The following GABRB3 variants were observed in gnomAD, a reference collection of about 807,000 sequenced individuals.
GABRB3 encodes gamma-aminobutyric acid receptor subunit beta-3.
A neutral mutation model predicts 52.1 loss-of-function variants in GABRB3; 14 were observed. The observed-to-expected ratio is 0.27, with a 90% CI of 0.18 to 0.42. The LOEUF is 0.42. Among genes scored for constraint, GABRB3 ranks in the 10% least tolerant of loss-of-function variants. The pLI is 1.00. For synonymous variants in GABRB3, 260 were observed against 232.3 expected, an observed-to-expected ratio of 1.12 and a Z score of -1.08; for missense variants, 307 against 609.1, an observed-to-expected ratio of 0.50 and a Z score of 5.22.
At chr15:26,677,944 G>T (rs1888119261) in intron 3 of GABRB3, among the ~76,000 whole-genome samples, 1 of 152,190 alleles carries the variant, frequency 6.6e-6, no homozygotes. Flanking sequence ...TGAAAGAGAG[G>T]TCAGGAATTT....
At chr15:26,604,737 C>T (rs1891717322) in intron 4 of GABRB3, among the ~76,000 whole-genome samples, 1 of 151,938 alleles carries the variant, frequency 6.6e-6, no homozygotes, top group Non-Finnish European at 1.5e-5. Flanking sequence ...AACTTGACCC[C>T]TATCTCGCAC....
intron 3 of GABRB3, chr15:26,750,076 C>T (rs529812658): frequency 2.0e-5 from 3 of 152,190 alleles, no homozygotes; most frequent in Non-Finnish European, 4.4e-5. Context: ...ATTCTCTCTT[C>T]GATTTCTTCT....
At chr15:26,650,633 T>G in intron 3 of GABRB3, among the ~76,000 whole-genome samples, 1 of 152,128 alleles carries the variant, frequency 6.6e-6, no homozygotes, top group South Asian at 2.1e-4. Flanking sequence ...GATTGAGAAC[T>G]TGCCTTCCTT....
chr15:26,627,822 A>G (rs1479988536), intron 3 of GABRB3, among the ~76,000 whole-genome samples: 1 of 152,254 alleles, frequency 6.6e-6, no homozygotes, highest in African/African-American at 2.4e-5. Context: ...TAGTTGATAA[A>G]GCAGTGGCAG....
chr15:26,684,031 T>TGA (rs3046015), intron 3 of GABRB3, among the ~76,000 whole-genome samples: 73,122 of 151,666 alleles, frequency 0.48, 17,879 homozygotes, highest in African/African-American at 0.56. Context: ...GAAGAAGTTT[T>TGA]GAGTGAGATT....
intron 3 of GABRB3, among the ~76,000 whole-genome samples, chr15:26,769,607 T>G (rs1595361661): frequency 6.6e-6 from 1 of 152,334 alleles, no homozygotes; most frequent in East Asian, 1.9e-4. Flanking sequence ...CACCCATTCG[T>G]AACTCTGCCA....
intron 3 of GABRB3, among the ~76,000 whole-genome samples, chr15:26,628,672 G>A (rs566502925): frequency 8.1e-5 from 11 of 135,430 alleles, no homozygotes; most frequent in African/African-American, 3.2e-4. Flanking sequence ...AGCTATTTTC[G>A]CAAAAAAAAC....
intron 6 of GABRB3, among the ~76,000 whole-genome samples, chr15:26,574,723 T>C (rs1475403768): frequency 6.6e-6 from 1 of 151,636 alleles, no homozygotes; most frequent in East Asian, 2.0e-4. Context: ...GATTAGTGGT[T>C]GTCTAGGGTT....
intron 3 of GABRB3, among the ~76,000 whole-genome samples, chr15:26,663,544 C>CAT: frequency 6.6e-6 from 1 of 152,140 alleles, no homozygotes; most frequent in Non-Finnish European, 1.5e-5. Flanking sequence ...AAAGTTAGTG[C>CAT]CTGCATAATA....
chr15:26,748,921 G>A (rs1454762529), intron 3 of GABRB3, among the ~76,000 whole-genome samples: 1 of 152,144 alleles, frequency 6.6e-6, no homozygotes, highest in Non-Finnish European at 1.5e-5. Context: ...AGCTAGTTGG[G>A]AGGCTGAGGC....
intron 3 of GABRB3, among the ~76,000 whole-genome samples, chr15:26,720,014 T>G (rs1889599994): frequency 6.6e-6 from 1 of 152,170 alleles, no homozygotes; most frequent in African/African-American, 2.4e-5. Context: ...CCTTAACTGA[T>G]GACATTCCAC....
At chr15:26,694,608 A>C (rs930395910) in intron 3 of GABRB3, among the ~76,000 whole-genome samples, 2 of 152,226 alleles carry the variant, frequency 1.3e-5, no homozygotes, top group Non-Finnish European at 2.9e-5. Flanking sequence ...CTAAAGACTG[A>C]TTTAACTTAG....
intron 3 of GABRB3, among the ~76,000 whole-genome samples, chr15:26,698,549 G>A (rs1888819765): frequency 6.6e-6 from 1 of 151,984 alleles, no homozygotes; most frequent in South Asian, 2.1e-4. Context: ...TGTTCAAAAG[G>A]ATAAAAATAG....
In GABRB3 at chr15:26,688,698, T is replaced by C. The variant is rs188312145; in HGVS notation, c.241-67164A>G. Among the ~76,000 whole-genome samples the C allele has an allele frequency of 1.8e-4, 28 of 152,326 alleles. No homozygotes were observed. In the East Asian group the frequency reaches 5.2e-3, roughly 28 times the overall value. ...ATCCACATTCACTGCATTGGTTCTA[T>C]GGGACAGGAATCATAGAAGTCACTT... On this transcript the variant is annotated intron_variant, in intron 3 of 8. Transcript: ENST00000311550.
chr15:26,637,712 G>A (rs1256048160), intron 3 of GABRB3, among the ~76,000 whole-genome samples: 5 of 152,168 alleles, frequency 3.3e-5, no homozygotes. Flanking sequence ...CACAGGCATG[G>A]GATACAAATT....
intron 6 of GABRB3, among the ~76,000 whole-genome samples, chr15:26,578,964 C>G (rs1180370990): frequency 1.3e-5 from 2 of 152,216 alleles, no homozygotes; most frequent in Non-Finnish European, 2.9e-5. Flanking sequence ...CCGGAGAATG[C>G]AGGGACATCT....
At chr15:26,593,899 T>C (rs1891296945) in intron 4 of GABRB3, among the ~76,000 whole-genome samples, 1 of 150,766 alleles carries the variant, frequency 6.6e-6, no homozygotes, top group South Asian at 2.1e-4. Context: ...CCACAGTGAC[T>C]GAATCATTTT....
chr15:26,666,839 G>A (rs927418946), intron 3 of GABRB3, among the ~76,000 whole-genome samples: 10 of 152,142 alleles, frequency 6.6e-5, no homozygotes, highest in Admixed American at 1.3e-4. Flanking sequence ...GAAACATGAA[G>A]CCAGTCGCTT....
intron 6 of GABRB3, among the ~76,000 whole-genome samples, chr15:26,578,204 T>G (rs867450547): frequency 9.2e-5 from 14 of 152,222 alleles, no homozygotes; most frequent in African/African-American, 3.4e-4. Flanking sequence ...TAGGATAACA[T>G]TTAATATTAA....
Sources: gnomAD v4.1 joint callset for allele counts (sites outside exome capture counted in the v4.1 genomes callset) on GRCh38, gnomAD v4.1.1 for gene constraint, MANE v1.5 for transcripts, NCBI Gene and HGNC (gene_info 2026-07-23, HGNC 2026-07-21) for gene names.